Variants in ANO3 observed in about 807,000 individuals in gnomAD.
ANO3 encodes the protein anoctamin-3.
Under a neutral mutation model 144.8 loss-of-function variants are expected in ANO3, and 99 were observed. The observed-to-expected ratio is 0.68, with a 90% CI of 0.58 to 0.81. The LOEUF is 0.81. Among genes scored for constraint, ANO3 ranks in the 30% least tolerant of loss-of-function variants. The probability of loss-of-function intolerance (pLI) is 0.00; values close to 1 mark genes in which losing one functional copy is unlikely to be tolerated. For synonymous variants in ANO3, 414 were observed against 392.6 expected (o/e 1.05, Z -0.64); for missense variants, 905 against 1,202.2 (o/e 0.75, Z 3.66).
At chr11:26,321,882 G>T (rs1052961953) in intron 1 of ANO3, among the ~76,000 whole-genome samples, 1 of 152,008 alleles carries the variant, frequency 6.6e-6, no homozygotes, top group Non-Finnish European at 1.5e-5. Flanking sequence ...TTATTTGTGA[G>T]AAATTTTCTT....
chr11:26,267,801 T>C (rs1853347712), intron 1 of ANO3, among the ~76,000 whole-genome samples: 1 of 152,174 alleles, frequency 6.6e-6, no homozygotes. Context: ...CTGTGTCCAC[T>C]GGAGAAAAGT....
chr11:26,443,983 A>G, intron 3 of ANO3, 147 bp downstream of exon 3: 1 of 472,474 alleles, frequency 2.1e-6, no homozygotes, highest in Non-Finnish European at 3.7e-6. Flanking sequence ...TCTGAGGTTA[A>G]GAAATTAAGA....
At chr11:26,361,581 A>T (rs1855926871) in intron 1 of ANO3, among the ~76,000 whole-genome samples, 1 of 152,198 alleles carries the variant, frequency 6.6e-6, no homozygotes. Context: ...AAGAAGAAGC[A>T]AAAAGATGTA....
At chr11:26,381,885 A>G (rs1856599055) in intron 1 of ANO3, among the ~76,000 whole-genome samples, 1 of 152,234 alleles carries the variant, frequency 6.6e-6, no homozygotes, top group African/African-American at 2.4e-5. Flanking sequence ...AGAAGTAAAC[A>G]TGAAATGAAT....
chr11:26,424,299 T>C (rs1342467367), intron 1 of ANO3, among the ~76,000 whole-genome samples: 1 of 151,206 alleles, frequency 6.6e-6, no homozygotes, highest in Non-Finnish European at 1.5e-5. Flanking sequence ...ATGTCAGTTT[T>C]TTTTTCATTT....
At chr11:26,489,216 G>A (rs113216508) in intron 4 of ANO3, among the ~76,000 whole-genome samples, 20 of 94,094 alleles carry the variant, frequency 2.1e-4, no homozygotes, top group African/African-American at 6.3e-4. Context: ...ATGGCTGAAA[G>A]GGGCCAACGT....
At chr11:26,346,072 C>G (rs1855489352) in intron 1 of ANO3, among the ~76,000 whole-genome samples, 1 of 152,142 alleles carries the variant, frequency 6.6e-6, no homozygotes, top group African/African-American at 2.4e-5. Context: ...TGTTATGTTA[C>G]ATAGATCTTA....
chr11:26,390,869 A>T (rs1003187349), intron 1 of ANO3, among the ~76,000 whole-genome samples: 2 of 152,090 alleles, frequency 1.3e-5, no homozygotes, highest in Non-Finnish European at 2.9e-5. Flanking sequence ...TTGTCCCTAG[A>T]TAAAAATTAG....
upstream of ANO3, among the ~76,000 whole-genome samples, chr11:26,328,356 G>A (rs1854943450): frequency 6.6e-6 from 1 of 152,090 alleles, no homozygotes; most frequent in African/African-American, 2.4e-5. Flanking sequence ...TTAATATACG[G>A]AGAGAAACTA....
chr11:26,628,855 G>C (rs1852676351), intron 18 of ANO3, among the ~76,000 whole-genome samples: 1 of 152,134 alleles, frequency 6.6e-6, no homozygotes, highest in Non-Finnish European at 1.5e-5. Flanking sequence ...GGGATAGCTG[G>C]TGTCTTCAGC....
At chr11:26,212,103 A>C (rs979377072) in intron 1 of ANO3, among the ~76,000 whole-genome samples, 2 of 152,128 alleles carry the variant, frequency 1.3e-5, no homozygotes, top group African/African-American at 4.8e-5. Context: ...GAAATACCTA[A>C]TGTAGGTGAC....
At chr11:26,479,468 T>C (rs1460265667) in intron 4 of ANO3, among the ~76,000 whole-genome samples, 2 of 152,082 alleles carry the variant, frequency 1.3e-5, no homozygotes, top group African/African-American at 2.4e-5. Flanking sequence ...GGCCTCATAA[T>C]CACGGAAGGC....
At chr11:26,577,932 A>T (rs997097902) in intron 14 of ANO3, among the ~76,000 whole-genome samples, 2 of 152,206 alleles carry the variant, frequency 1.3e-5, no homozygotes, top group African/African-American at 4.8e-5. Context: ...CTGGCTCAAG[A>T]GAATGTTGGA....
chr11:26,633,663 T>C (rs1385923610), intron 18 of ANO3, among the ~76,000 whole-genome samples: 1 of 152,216 alleles, frequency 6.6e-6, no homozygotes, highest in Non-Finnish European at 1.5e-5. Flanking sequence ...TTTGTAGATG[T>C]GGGGAAAGTC....
intron 14 of ANO3, among the ~76,000 whole-genome samples, chr11:26,596,281 C>G (rs1352298699): frequency 6.6e-6 from 1 of 152,152 alleles, no homozygotes; most frequent in Non-Finnish European, 1.5e-5. Flanking sequence ...TCTTTCTCCT[C>G]TCTGCCTCTG....
intron 14 of ANO3, among the ~76,000 whole-genome samples, chr11:26,577,642 C>T (rs1294649811): frequency 5.9e-5 from 9 of 151,314 alleles, no homozygotes; most frequent in Non-Finnish European, 1.2e-4. Context: ...AGTTAGTAAT[C>T]ATTAATATAA....
chr11:26,575,884 A>C (rs556381013), intron 14 of ANO3, among the ~76,000 whole-genome samples: 22 of 152,306 alleles, frequency 1.4e-4, no homozygotes, highest in African/African-American at 5.3e-4. Context: ...CTTCCCTTCC[A>C]GTTCTAGCCA....
intron 1 of ANO3, among the ~76,000 whole-genome samples, chr11:26,418,714 G>GCA (rs539655845): frequency 0.011 from 1,735 of 151,218 alleles, 17 homozygotes; most frequent in Non-Finnish European, 0.018. Flanking sequence ...GCGCGCGCGC[G>GCA]CACACACACA....
chr11:26,230,847 T>C (rs1239839727), intron 1 of ANO3, among the ~76,000 whole-genome samples: 1 of 148,290 alleles, frequency 6.7e-6, no homozygotes, highest in African/African-American at 2.5e-5. Flanking sequence ...AAGTTTATCT[T>C]TTTACAAAAA....
Sources: allele counts gnomAD v4.1 joint callset (sites outside exome capture counted in the v4.1 genomes callset), GRCh38; gene constraint gnomAD v4.1.1; transcripts MANE v1.5; gene names NCBI Gene and HGNC (gene_info 2026-07-23, HGNC 2026-07-21).